PCDH15: variants seen among roughly 807,000 people sequenced by gnomAD.
The protein encoded by PCDH15 is protocadherin-15.
In PCDH15, 129 loss-of-function variants were observed where a neutral mutation model predicts 178.5. The observed-to-expected ratio is 0.72, with a 90% confidence interval of 0.63 to 0.84. The LOEUF (loss-of-function observed/expected upper bound fraction) is 0.84, where lower values mean the gene tolerates loss of function less well. Among genes scored for constraint, PCDH15 ranks in the 40% least tolerant of loss-of-function variants. The pLI is 0.00. For synonymous variants in PCDH15, 800 were observed against 732.0 expected (o/e 1.09, Z -1.50); for missense variants, 2,230 against 2,099.9 (o/e 1.06, Z -1.21).
intron 1 of PCDH15, among the ~76,000 whole-genome samples, chr10:55,198,688 G>T (rs1591983610): frequency 6.6e-6 from 1 of 151,280 alleles, no homozygotes; most frequent in South Asian, 2.1e-4. Context: ...GTAGAGATGG[G>T]GTTTCACCGT....
At chr10:54,235,190 T>A (rs2054501027) in intron 9 of PCDH15, among the ~76,000 whole-genome samples, 1 of 152,312 alleles carries the variant, frequency 6.6e-6, no homozygotes, top group Non-Finnish European at 1.5e-5. Flanking sequence ...TCCTCTGCTT[T>A]TCCAATCCCA....
chr10:55,309,222 A>C (rs1843513110), intron 1 of PCDH15, among the ~76,000 whole-genome samples: 1 of 152,204 alleles, frequency 6.6e-6, no homozygotes, highest in South Asian at 2.1e-4. Flanking sequence ...TGACAATAAA[A>C]ACAGTTAAAA....
chr10:55,532,393 G>T (rs949202136), intron 2 of PCDH15, among the ~76,000 whole-genome samples: 26 of 151,990 alleles, frequency 1.7e-4, no homozygotes, highest in Non-Finnish European at 1.0e-4. Flanking sequence ...GCTATACTCA[G>T]TCGCTTCATT....
At chr10:55,094,885 G>C (rs1842410105) in intron 2 of PCDH15, among the ~76,000 whole-genome samples, 1 of 149,480 alleles carries the variant, frequency 6.7e-6, no homozygotes, top group African/African-American at 2.5e-5. Flanking sequence ...TACCCAAAAT[G>C]ACATGATGAA....
At chr10:55,281,836 C>T (rs1313291538) in intron 1 of PCDH15, among the ~76,000 whole-genome samples, 1 of 152,106 alleles carries the variant, frequency 6.6e-6, no homozygotes, top group Non-Finnish European at 1.5e-5. Context: ...AGTTACAGAA[C>T]CCTGTAATAT....
chr10:55,525,346 T>C (rs1437052898), intron 2 of PCDH15, among the ~76,000 whole-genome samples: 2 of 151,896 alleles, frequency 1.3e-5, no homozygotes, highest in Non-Finnish European at 2.9e-5. Flanking sequence ...ATGAACAATA[T>C]GTGAAGACAC....
intron 2 of PCDH15, among the ~76,000 whole-genome samples, chr10:55,511,628 T>C (rs1043968234): frequency 6.6e-6 from 1 of 152,088 alleles, no homozygotes; most frequent in African/African-American, 2.4e-5. Flanking sequence ...CTAATTTTGA[T>C]AATATTCATA....
At chr10:55,150,071 AGGGG>A (rs1838658503) in intron 2 of PCDH15, among the ~76,000 whole-genome samples, 9 of 93,756 alleles carry the variant, frequency 9.6e-5, no homozygotes, top group Non-Finnish European at 2.4e-5. Flanking sequence ...AGAGGAGAGG[AGGGG>A]GAGGGGAGGG....
chr10:54,169,796 G>A (rs2046681098), intron 13 of PCDH15, among the ~76,000 whole-genome samples: 2 of 151,964 alleles, frequency 1.3e-5, no homozygotes, highest in Non-Finnish European at 2.9e-5. Flanking sequence ...TCACTTGCCT[G>A]CTACAGCATG....
intron 20 of PCDH15, 88 bp downstream of exon 20, chr10:54,020,104 C>A: frequency 8.7e-7 from 1 of 1,154,342 alleles, no homozygotes; most frequent in South Asian, 1.3e-5. Context: ...GAATTGTTAT[C>A]AAAACATATT....
intron 8 of PCDH15, among the ~76,000 whole-genome samples, chr10:54,257,947 G>A (rs760777628): frequency 6.6e-6 from 1 of 151,946 alleles, no homozygotes; most frequent in African/African-American, 2.4e-5. Context: ...CATGGGGCAC[G>A]GCCCAGTACA....
chr10:55,620,308 A>ATT (rs1261102643), intron 2 of PCDH15, among the ~76,000 whole-genome samples: 3 of 146,516 alleles, frequency 2.0e-5, no homozygotes, highest in African/African-American at 7.5e-5. Flanking sequence ...TTGAAAAACT[A>ATT]TTTTTTTTTT....
At chr10:55,617,004 T>G (rs1843492777) in intron 2 of PCDH15, among the ~76,000 whole-genome samples, 1 of 152,156 alleles carries the variant, frequency 6.6e-6, no homozygotes, top group African/African-American at 2.4e-5. Context: ...AGTATAGTAT[T>G]ACTTAATACA....
At chr10:54,219,089 T>TAAAAAAAAAAAA (rs746481539) in intron 9 of PCDH15, among the ~76,000 whole-genome samples, 5 of 100,110 alleles carry the variant, frequency 5.0e-5, no homozygotes, top group East Asian at 4.3e-4. Flanking sequence ...CTGTCTCTAC[T>TAAAAAAAAAAAA]AAAAAAAAAA....
In PCDH15 at chr10:54,093,119, C is replaced by A. The variant is rs555124018; in HGVS notation, c.1918-3056G>T. ...TATTTTTATGTTAATTCCTTTCAAT[C>A]CCAGAGGTAGCTTGAAATATTTCTT... On this transcript the variant is annotated intron_variant, in intron 15 of 37. Transcript: ENST00000644397. Among the ~76,000 whole-genome samples, 3 of 152,136 alleles carry A rather than the reference C, an allele frequency of 2.0e-5. No homozygotes were observed. The South Asian group carries it at 6.2e-4, about 32-fold the overall frequency.
At chr10:55,336,124 G>GAAAAA (rs748988261) in intron 2 of PCDH15, among the ~76,000 whole-genome samples, 9 of 59,276 alleles carry the variant, frequency 1.5e-4, no homozygotes, top group African/African-American at 3.0e-4. Context: ...CTTGGTATTT[G>GAAAAA]AAAAAAAAAA....
chr10:54,250,267 CTTTTTTTTTTTT>C (rs765895227), intron 8 of PCDH15, among the ~76,000 whole-genome samples: 3 of 84,044 alleles, frequency 3.6e-5, no homozygotes, highest in African/African-American at 1.5e-4. Context: ...TATGCTATTA[CTTTTTTTTTTTT>C]TTTTTTTTTT....
chr10:55,570,156 A>C (rs1193809618), intron 2 of PCDH15, among the ~76,000 whole-genome samples: 1 of 151,986 alleles, frequency 6.6e-6, no homozygotes, highest in East Asian at 1.9e-4. Flanking sequence ...TTGTTTCTTA[A>C]AAATACTAGA....
chr10:54,656,297 T>A (rs920213746), intron 2 of PCDH15, among the ~76,000 whole-genome samples: 1 of 151,492 alleles, frequency 6.6e-6, no homozygotes, highest in East Asian at 2.0e-4. Context: ...AGGAAGAGTC[T>A]GGCAGAGATT....
Sources: gnomAD v4.1 joint callset for allele counts (sites outside exome capture counted in the v4.1 genomes callset) on GRCh38, gnomAD v4.1.1 for gene constraint, MANE v1.5 for transcripts, NCBI Gene and HGNC (gene_info 2026-07-23, HGNC 2026-07-21) for gene names.